IMMP2L: variants seen among roughly 807,000 people sequenced by gnomAD.
IMMP2L encodes mitochondrial inner membrane protease subunit 2.
Under a neutral mutation model 19.3 loss-of-function variants are expected in IMMP2L, and 18 were observed. That is an observed-to-expected ratio of 0.93 (90% CI 0.64 to 1.38). IMMP2L has a LOEUF of 1.38. IMMP2L is among the 40% of genes most tolerant of loss of function. The pLI, the probability that IMMP2L is intolerant of heterozygous loss-of-function variation, is 0.00. For missense variants in IMMP2L, 233 were observed against 218.2 expected, an observed-to-expected ratio of 1.07 and a Z score of -0.43; for synonymous variants, 76 against 73.0, an observed-to-expected ratio of 1.04 and a Z score of -0.21.
At chr7:110,844,859 T>C (rs73419241) in intron 5 of IMMP2L, among the ~76,000 whole-genome samples, 6,371 of 151,658 alleles carry the variant, frequency 0.042, 431 homozygotes, top group African/African-American at 0.15. Context: ...CAGGGTTCCA[T>C]TACATGTACA....
At chr7:110,910,180 T>C (rs914388697) in intron 4 of IMMP2L, among the ~76,000 whole-genome samples, 2 of 152,094 alleles carry the variant, frequency 1.3e-5, no homozygotes, top group African/African-American at 4.8e-5. Flanking sequence ...CTAAGGGAAA[T>C]TTTAAAGCAG....
intron 5 of IMMP2L, among the ~76,000 whole-genome samples, chr7:110,755,061 A>C (rs1450859797): frequency 6.6e-6 from 1 of 152,068 alleles, no homozygotes; most frequent in African/African-American, 2.4e-5. Context: ...ATTAAGGCAT[A>C]AATAACAATA....
intron 3 of IMMP2L, among the ~76,000 whole-genome samples, chr7:111,020,186 C>G (rs1473904547): frequency 6.6e-6 from 1 of 151,064 alleles, no homozygotes; most frequent in African/African-American, 2.4e-5. Flanking sequence ...GAGTTCGAGA[C>G]CAGCCTGGAC....
intron 3 of IMMP2L, among the ~76,000 whole-genome samples, chr7:111,135,983 T>G (rs1279661170): frequency 6.6e-6 from 1 of 152,252 alleles, no homozygotes; most frequent in East Asian, 1.9e-4. Flanking sequence ...TGACAGACAT[T>G]ACCATTATAT....
At chr7:111,419,091 T>G (rs1835228454) in intron 3 of IMMP2L, among the ~76,000 whole-genome samples, 1 of 151,862 alleles carries the variant, frequency 6.6e-6, no homozygotes, top group African/African-American at 2.4e-5. Flanking sequence ...ACATAAATGG[T>G]TAAAGCTTTA....
intron 1 of IMMP2L, among the ~76,000 whole-genome samples, chr7:111,533,087 T>C (rs1380333050): frequency 6.6e-6 from 1 of 152,012 alleles, no homozygotes; most frequent in Non-Finnish European, 1.5e-5. Flanking sequence ...AAAATAAATA[T>C]ATAAATAAAT....
chr7:111,019,146 T>C (rs561960176), intron 3 of IMMP2L, among the ~76,000 whole-genome samples: 1 of 152,138 alleles, frequency 6.6e-6, no homozygotes, highest in African/African-American at 2.4e-5. Context: ...TCAATAAATG[T>C]GTTGAATGAG....
chr7:110,731,404 A>G (rs1022301112), intron 5 of IMMP2L, among the ~76,000 whole-genome samples: 1 of 152,206 alleles, frequency 6.6e-6, no homozygotes, highest in Non-Finnish European at 1.5e-5. Flanking sequence ...CCTTGCTAAC[A>G]GCAAGAATGT....
intron 3 of IMMP2L, among the ~76,000 whole-genome samples, chr7:111,462,003 G>C (rs1156654626): frequency 6.6e-6 from 1 of 151,548 alleles, no homozygotes; most frequent in East Asian, 1.9e-4. Flanking sequence ...CAAACACAGA[G>C]ATAAAAAAAA....
At chr7:110,984,132 G>A (rs1821601432) in intron 3 of IMMP2L, among the ~76,000 whole-genome samples, 1 of 151,964 alleles carries the variant, frequency 6.6e-6, no homozygotes, top group South Asian at 2.1e-4. Context: ...ACATGTAAAT[G>A]CAGACACATG....
intron 3 of IMMP2L, among the ~76,000 whole-genome samples, chr7:111,140,651 A>G (rs887976993): frequency 2.0e-5 from 3 of 152,190 alleles, no homozygotes; most frequent in African/African-American, 7.2e-5. Flanking sequence ...GCTTTTTGCA[A>G]TTTTGGAAAT....
chr7:111,082,127 T>C (rs1795935132), intron 3 of IMMP2L, among the ~76,000 whole-genome samples: 1 of 152,222 alleles, frequency 6.6e-6, no homozygotes, highest in Non-Finnish European at 1.5e-5. Context: ...GGTCTGACTC[T>C]GAACATGTGT....
chr7:111,296,836 C>A (rs1296164170), intron 3 of IMMP2L, among the ~76,000 whole-genome samples: 1 of 151,930 alleles, frequency 6.6e-6, no homozygotes, highest in Non-Finnish European at 1.5e-5. Context: ...AGCCATACTA[C>A]TCAGCAATGA....
intron 3 of IMMP2L, among the ~76,000 whole-genome samples, chr7:111,199,941 C>T (rs1809926287): frequency 6.6e-6 from 1 of 152,142 alleles, no homozygotes; most frequent in South Asian, 2.1e-4. Context: ...ATAATGAATG[C>T]TTTTCAGTTT....
chr7:110,801,923 GC>G (rs962037059), intron 5 of IMMP2L, among the ~76,000 whole-genome samples: 1 of 152,058 alleles, frequency 6.6e-6, no homozygotes, highest in Admixed American at 6.6e-5. Flanking sequence ...AGGAGAAGCA[GC>G]AAACTCACAG....
At chr7:111,095,762 T>C (rs966627906) in intron 3 of IMMP2L, among the ~76,000 whole-genome samples, 67 of 152,148 alleles carry the variant, frequency 4.4e-4, no homozygotes, top group African/African-American at 1.6e-3. Context: ...GGTTTCACTG[T>C]AAATAATTTA....
At chr7:110,940,964 A>G (rs571019548) in intron 4 of IMMP2L, among the ~76,000 whole-genome samples, 62 of 152,304 alleles carry the variant, frequency 4.1e-4, no homozygotes, top group African/African-American at 1.3e-3. Context: ...ACAGCCTGAT[A>G]AAATTCTTAG....
At chr7:111,359,579 G>A (rs1395680156) in intron 3 of IMMP2L, among the ~76,000 whole-genome samples, 1 of 152,040 alleles carries the variant, frequency 6.6e-6, no homozygotes, top group Non-Finnish European at 1.5e-5. Flanking sequence ...TGGAATTACA[G>A]ACGTAAGTCA....
chr7:111,155,801 C>T (rs117257659), intron 3 of IMMP2L, among the ~76,000 whole-genome samples: 1,996 of 152,046 alleles, frequency 0.013, 17 homozygotes, highest in Non-Finnish European at 0.02. Context: ...GGCATAGCTT[C>T]GATGTATTTT....
Sources: allele counts gnomAD v4.1 joint callset (sites outside exome capture counted in the v4.1 genomes callset), GRCh38; gene constraint gnomAD v4.1.1; transcripts MANE v1.5; gene names NCBI Gene and HGNC (gene_info 2026-07-23, HGNC 2026-07-21).